TMEM185B: variants seen among roughly 807,000 people sequenced by gnomAD.
TMEM185B encodes the protein transmembrane protein 185B.
Under a neutral mutation model 26.2 loss-of-function variants are expected in TMEM185B, and 9 were observed. The ratio of observed to expected loss-of-function variants is 0.34; its 90% CI spans 0.21 to 0.60. The LOEUF (loss-of-function observed/expected upper bound fraction) is 0.60, where lower values mean the gene tolerates loss of function less well. TMEM185B is among the 20% of genes least tolerant of loss of function. The probability of loss-of-function intolerance (pLI) is 0.80; values close to 1 mark genes in which losing one functional copy is unlikely to be tolerated. For missense variants in TMEM185B, 392 were observed against 447.9 expected, an observed-to-expected ratio of 0.88 and a Z score of 1.13; for synonymous variants, 204 against 191.8, an observed-to-expected ratio of 1.06 and a Z score of -0.52.
rs1026635454 is a variant in TMEM185B, at chr2:120,222,791, C to G, written c.186G>C (p.Ala62=). The G allele has an allele frequency of 6.5e-7, 1 of 1,532,924 alleles. No individual in the cohort carries two copies. The highest frequency in any genetic ancestry group is 8.7e-7 in the Non-Finnish European group (1 of 1,144,972). The allele number at this position is 1,532,924 out of a possible 1,614,324, so 95.0% of individuals were successfully genotyped here. Residue 62 remains alanine (A), a synonymous_variant, in exon 1 of 1, where the codon GCG becomes GCC. Transcript: ENST00000426077. ...AGCGAGGGTTGCGGGCCCAAACGCC[C>G]GCGCCCACGGAGGCGCCTGCGACGA... The part of the protein sequence containing the change: ...LLVVAGASVG[A]GVWARNPRYR...
rs1232882746 is a variant in TMEM185B at position 120,222,232 on chromosome 2, G to A, written c.745C>T (p.Pro249Ser). 2 of 1,537,292 alleles carry A rather than the reference G, an allele frequency of 1.3e-6. No homozygotes were observed. Among genetic ancestry groups the A allele is most frequent in the African/African-American group, 1.4e-5 (1 of 73,148 alleles). The change falls in exon 1 of 1, where the codon CCC (proline) becomes TCC (serine). Residue 249 changes from proline (P) to serine (S), a missense_variant. Physicochemically the swap from Pro to Ser is moderately conservative, Grantham distance 74. Transcript: ENST00000426077. The part of the protein sequence containing the change: ...NTFSYVSIFV[P>S]LWLSLLTLMA... Reference sequence around the variant, plus strand: ...AAAGTTAGTAAGGAAAGCCAAAGGGGGACAAATATGGAGACGTAGGAGAAT... The same window carrying A: ...AAAGTTAGTAAGGAAAGCCAAAGGGAGACAAATATGGAGACGTAGGAGAAT...
At position 120,222,911 on chromosome 2, in the gene TMEM185B, C is replaced by A. The variant is rs140244384; in HGVS notation, c.66G>T (p.Leu22=). The change falls in exon 1 of 1, where the codon CTG becomes CTT. Residue 22 remains leucine, a synonymous_variant. Transcript: ENST00000426077. ...GGAGGGGCAGCAGCACCGAGAAGAG[C>A]AGCAGGCAGGTGTAGATGAGAAACT... is the stretch of plus-strand genomic sequence containing the variant. ...PSKFLIYTCL[L]LFSVLLPLRL... 7 of 1,454,930 alleles carry A rather than the reference C, an allele frequency of 4.8e-6. No individual in the cohort carries two copies. Among genetic ancestry groups the A allele is most frequent in the Non-Finnish European group, 6.3e-6 (7 of 1,111,538 alleles). 90.1% of individuals were successfully genotyped at this position (1,454,930 alleles called of 1,614,324 possible).
rs746789302 is a variant in TMEM185B at position 120,222,078 on chromosome 2, T to C, written c.899A>G (p.His300Arg). The change falls in exon 1 of 1, where the codon CAT becomes CGT. Residue 300 changes from histidine (H) to arginine (R), a missense_variant. By Grantham distance (29) the His-to-Arg change is conservative. Transcript: ENST00000426077. ...TTCAGCATCTTCACTATCTTCGTGATGGAGATCATATGAAATGTTCCCATA... is the reference window on the plus strand; with the variant it reads ...TTCAGCATCTTCACTATCTTCGTGACGGAGATCATATGAAATGTTCCCATA... ...REYGNISYDLHHEDSEDAEET... is the reference protein window; with the variant it reads ...REYGNISYDLRHEDSEDAEET... The C allele has an allele frequency of 3.9e-6, 6 of 1,549,720 alleles. No homozygotes were observed. Among genetic ancestry groups the C allele is most frequent in the Non-Finnish European group, 5.2e-6 (6 of 1,147,642 alleles).
rs1265522394 is a variant in TMEM185B, at chr2:120,223,163, G to A, written c.-187C>T. ...AGAGGCCGGAACACGTGCACGCGCG[G>A]TCACGTGGCCCGGCCGGAAGCGCGC... On this transcript the variant is annotated 5_prime_UTR_variant, in exon 1 of 1. Transcript: ENST00000426077. 2.5e-6 allele frequency: 1 copy of A among 407,852 alleles called. No individual in the cohort carries two copies. The highest frequency in any genetic ancestry group is 4.1e-6 in the Non-Finnish European group (1 of 241,994). 25.3% of individuals were successfully genotyped at this position (407,852 alleles called of 1,614,324 possible).
Position 120,221,268 on chromosome 2 carries a change from T to C in TMEM185B, c.*656A>G, listed in dbSNP as rs898097529. On this transcript the variant is annotated 3_prime_UTR_variant, in exon 1 of 1. Coordinates refer to ENST00000426077, the MANE Select transcript of TMEM185B (RefSeq NM_024121.3). ...TTCAAGGACATCTGCAATAGACACA[T>C]ATCTTCACACCTAAGCTTTAAAAAA... 3 of 152,268 alleles carry C rather than the reference T, an allele frequency of 2.0e-5. No homozygotes were observed. Among genetic ancestry groups the C allele is most frequent in the Non-Finnish European group, 2.9e-5 (2 of 68,058 alleles). The allele number at this position is 152,268 out of a possible 1,614,324, so 9.4% of individuals were successfully genotyped here. A position where few individuals can be genotyped will look rare whatever the true frequency, so the allele number is the denominator to read the frequency against.
Position 120,218,440 on chromosome 2 carries a change from T to A in TMEM185B, c.*3484A>T, listed in dbSNP as rs1300625690. Among the ~76,000 whole-genome samples the A allele has an allele frequency of 6.6e-6, 1 of 152,214 alleles. No homozygotes were observed. The highest frequency in any genetic ancestry group is 6.5e-5 in the Admixed American group (1 of 15,286). On this transcript the variant is annotated 3_prime_UTR_variant, in exon 1 of 1. Transcript: ENST00000426077. ...CGGATCCCTGTGAACTTGCTGGGCT[T>A]CATCCCATCTTTCCTGCCCGGCTGA...
rs969268706 is a variant in TMEM185B at position 120,220,379 on chromosome 2, T to C, written c.*1545A>G. On this transcript the variant is annotated 3_prime_UTR_variant, in exon 1 of 1. Transcript: ENST00000426077. ...AAAGTATTTATTTGTTCTCAAACAT[T>C]ACTCTTGCAGGATCCAGCTTCTGCC... Among the ~76,000 whole-genome samples, 1 of 152,258 alleles carries C rather than the reference T, an allele frequency of 6.6e-6. No homozygotes were observed. Among genetic ancestry groups the C allele is most frequent in the Non-Finnish European group, 1.5e-5 (1 of 68,044 alleles).
rs1421468012 is a variant in TMEM185B at position 120,219,645 on chromosome 2, A to G, written c.*2279T>C. 6.6e-6 allele frequency among the ~76,000 whole-genome samples: 1 copy of G among 152,210 alleles called. No individual in the cohort carries two copies. The highest frequency in any genetic ancestry group is 1.5e-5 in the Non-Finnish European group (1 of 68,040). Reference sequence around the variant, plus strand: ...GCCCATGCACCCCTAAATCTTACTGAAATGAAAATCCACGTCTTTGAGATA... The same window carrying G: ...GCCCATGCACCCCTAAATCTTACTGGAATGAAAATCCACGTCTTTGAGATA... On this transcript the variant is annotated 3_prime_UTR_variant, in exon 1 of 1. Coordinates refer to ENST00000426077, the MANE Select transcript of TMEM185B (RefSeq NM_024121.3).
rs1232975623 is a variant in TMEM185B at position 120,217,594 on chromosome 2, G to GCTT, written c.*4329_*4330insAAG. Among the ~76,000 whole-genome samples, 21 of 152,174 alleles carry GCTT rather than the reference G, an allele frequency of 1.4e-4. No homozygotes were observed. Among genetic ancestry groups the GCTT allele is most frequent in the Non-Finnish European group, 2.6e-4 (18 of 68,040 alleles). On this transcript the variant is annotated 3_prime_UTR_variant, in exon 1 of 1. Coordinates refer to ENST00000426077, the MANE Select transcript of TMEM185B (RefSeq NM_024121.3). ...ACAATATATTTCATCAGTAGGAGTG[G>GCTT]CATCGTTTTACATTTTTGCAGATCC...
rs1056090964 is a variant in TMEM185B at position 120,222,338 on chromosome 2, C to A, written c.639G>T (p.Met213Ile). The A allele has an allele frequency of 2.6e-6, 4 of 1,536,180 alleles. No homozygotes were observed. Among genetic ancestry groups the A allele is most frequent in the Non-Finnish European group, 2.6e-6 (3 of 1,146,928 alleles). ...CGACAATCGTTATCCAACTGATAGC[C>A]ATGGTCACGTGTGTTCTCCGCTGCT... ...VAEQRRTHVT[M>I]AISWITIVVP... The change falls in exon 1 of 1, where the codon ATG becomes ATT. Residue 213 changes from methionine to isoleucine, a missense_variant. Met to Ile is a conservative substitution (Grantham distance 10). Transcript: ENST00000426077.
rs1688532956 is a variant in TMEM185B, at chr2:120,218,299, G to T, written c.*3625C>A. Among the ~76,000 whole-genome samples the T allele has an allele frequency of 2.0e-5, 3 of 152,338 alleles. No homozygotes were observed. On this transcript the variant is annotated 3_prime_UTR_variant, in exon 1 of 1. Transcript: ENST00000426077. ...TCGCAGCAGCAGGGGTGCAGCTGGAGGCTCCCTTTTTGTGGGTGTCATGCT... is the reference window on the plus strand; with the variant it reads ...TCGCAGCAGCAGGGGTGCAGCTGGATGCTCCCTTTTTGTGGGTGTCATGCT...
rs1343514070 is a variant in TMEM185B, at chr2:120,222,342, G to A, written c.635C>T (p.Thr212Ile). The change falls in exon 1 of 1, where the codon ACC (threonine) becomes ATC (isoleucine). Residue 212 changes from threonine (T) to isoleucine (I), a missense_variant. Thr to Ile is a moderately conservative substitution (Grantham distance 89, BLOSUM62 -1). This residue lies in a region of TMEM185B where 176 missense variants were observed against 201.6 expected (regional missense o/e 0.87). Transcript: ENST00000426077. ...VVAEQRRTHVTMAISWITIVV... is the reference protein window; with the variant it reads ...VVAEQRRTHVIMAISWITIVV... ...AATCGTTATCCAACTGATAGCCATG[G>A]TCACGTGTGTTCTCCGCTGCTCGGC... is the stretch of plus-strand genomic sequence containing the variant. 1 of 1,536,090 alleles carries A rather than the reference G, an allele frequency of 6.5e-7. No individual in the cohort carries two copies. The highest frequency in any genetic ancestry group is 8.7e-7 in the Non-Finnish European group (1 of 1,146,930).
Position 120,219,924 on chromosome 2 carries a change from A to C in TMEM185B, c.*2000T>G, listed in dbSNP as rs1211440819. ...GGGTAGGTCTTCAAGAAATATTGAGAATATGAATGAATCAATGAATCCTTA... is the reference window on the plus strand; with the variant it reads ...GGGTAGGTCTTCAAGAAATATTGAGCATATGAATGAATCAATGAATCCTTA... On this transcript the variant is annotated 3_prime_UTR_variant, in exon 1 of 1. Transcript: ENST00000426077. Among the ~76,000 whole-genome samples, 1 of 152,162 alleles carries C rather than the reference A, an allele frequency of 6.6e-6. No individual in the cohort carries two copies. The highest frequency in any genetic ancestry group is 2.4e-5 in the African/African-American group (1 of 41,438).
rs1223887606 is a variant in TMEM185B at position 120,222,268 on chromosome 2, C to T, written c.709G>A (p.Gly237Ser). Residue 237 changes from glycine to serine, a missense_variant, in exon 1 of 1, where the codon GGC (glycine) becomes AGC (serine). Around this residue, in one of 3 missense-constraint regions of TMEM185B, gnomAD observed 176 missense variants for 201.6 expected, o/e 0.87. Coordinates refer to ENST00000426077, the MANE Select transcript of TMEM185B (RefSeq NM_024121.3). ...FEVLLVHRLDGHNTFSYVSIF... is the reference protein window; with the variant it reads ...FEVLLVHRLDSHNTFSYVSIF... ...GAGACGTAGGAGAATGTATTGTGGCCATCCAATCTGTGAACCAGCAGGACC... is the reference window on the plus strand; with the variant it reads ...GAGACGTAGGAGAATGTATTGTGGCTATCCAATCTGTGAACCAGCAGGACC... 6.5e-7 allele frequency: 1 copy of T among 1,536,298 alleles called. No individual in the cohort carries two copies.
rs902434599 is a variant in TMEM185B, at chr2:120,220,750, CAAACAAACAAAA to C, written c.*1162_*1173del. Among the ~76,000 whole-genome samples, 61 of 152,146 alleles carry C rather than the reference CAAACAAACAAAA, an allele frequency of 4.0e-4. No homozygotes were observed. Among genetic ancestry groups the C allele is most frequent in the African/African-American group, 1.1e-3 (47 of 41,520 alleles). ...AACTCTGTCTCAAAACAAAACAAAA[CAAACAAACAAAA>C]AAACAAAAGAAAAGAAAAAAGAAAC... On this transcript the variant is annotated 3_prime_UTR_variant, in exon 1 of 1. Coordinates refer to ENST00000426077, the MANE Select transcript of TMEM185B (RefSeq NM_024121.3).
Position 120,221,879 on chromosome 2 carries a change from G to T in TMEM185B, c.*45C>A, listed in dbSNP as rs1280567582. On this transcript the variant is annotated 3_prime_UTR_variant, in exon 1 of 1. Coordinates refer to ENST00000426077, the MANE Select transcript of TMEM185B (RefSeq NM_024121.3). ...GGTTTGGGATGAATGAACAAGAGGC[G>T]AAGGCCAAGTGGAGTCTGTGTGTGC... 1 of 1,422,184 alleles carries T rather than the reference G, an allele frequency of 7.0e-7. No homozygotes were observed. Among genetic ancestry groups the T allele is most frequent in the Non-Finnish European group, 9.3e-7 (1 of 1,079,650 alleles). 88.1% of individuals were successfully genotyped at this position (1,422,184 alleles called of 1,614,324 possible).
chr2:120,219,335 C>G lies in TMEM185B; in HGVS notation c.*2589G>C, dbSNP rs1483800416. On this transcript the variant is annotated 3_prime_UTR_variant, in exon 1 of 1. Coordinates refer to ENST00000426077, the MANE Select transcript of TMEM185B (RefSeq NM_024121.3). ...CTGAAGTGCTCGCAGCCTCACAGAT[C>G]GAACGACTTCCTACAACCTGTCACT... Among the ~76,000 whole-genome samples, 1 of 152,206 alleles carries G rather than the reference C, an allele frequency of 6.6e-6. No individual in the cohort carries two copies. The highest frequency in any genetic ancestry group is 2.4e-5 in the African/African-American group (1 of 41,456).
At position 120,223,116 on chromosome 2, in the gene TMEM185B, G is replaced by T; in HGVS notation, c.-140C>A. 1 of 584,568 alleles carries T rather than the reference G, an allele frequency of 1.7e-6. No homozygotes were observed. The highest frequency in any genetic ancestry group is 6.8e-5 in the South Asian group (1 of 14,652). 36.2% of individuals were successfully genotyped at this position (584,568 alleles called of 1,614,324 possible). On this transcript the variant is annotated 5_prime_UTR_variant, in exon 1 of 1. Coordinates refer to ENST00000426077, the MANE Select transcript of TMEM185B (RefSeq NM_024121.3). ...GGACGAATGCCGGGACGACCAGGAG[G>T]AGGTTCGGAGCGGCGAAGCGGAGAG...
At position 120,221,754 on chromosome 2, in the gene TMEM185B, A is replaced by C; in HGVS notation, c.*170T>G. The C allele has an allele frequency of 1.6e-6, 1 of 630,794 alleles. No individual in the cohort carries two copies. Among genetic ancestry groups the C allele is most frequent in the Non-Finnish European group, 2.7e-6 (1 of 370,308 alleles). The allele number at this position is 630,794 out of a possible 1,614,324, so 39.1% of individuals were successfully genotyped here. On this transcript the variant is annotated 3_prime_UTR_variant, in exon 1 of 1. Coordinates refer to ENST00000426077, the MANE Select transcript of TMEM185B (RefSeq NM_024121.3). ...TCTTACCCAGGTACACATCACACAC[A>C]CCCACATACTGAAACCACCTCCATC...
Sources: gnomAD v4.1 joint callset for allele counts (sites outside exome capture counted in the v4.1 genomes callset) on GRCh38, gnomAD v4.1.1 for gene constraint, gnomAD v4.1.1 regional missense constraint, MANE v1.5 for transcripts, NCBI Gene and HGNC (gene_info 2026-07-23, HGNC 2026-07-21) for gene names.